Variants in PHF24 observed in about 807,000 individuals in gnomAD.
PHF24 encodes the protein PHD finger protein 24, also known as Galpha inhibitory interacting protein.
In PHF24, 25 loss-of-function variants were observed where a neutral mutation model predicts 42.6. That is an observed-to-expected ratio of 0.59 (90% confidence interval 0.43 to 0.82). PHF24 has a LOEUF of 0.82. Ranked by LOEUF, PHF24 falls within the 40% of genes least tolerant of loss-of-function variation. PHF24 has a pLI of 0.00. For missense variants in PHF24, 470 were observed against 538.1 expected (o/e 0.87, Z 1.25); for synonymous variants, 185 against 204.8 (o/e 0.90, Z 0.83).
chr9:34,732,929 C>T, the PHF24 span, among the ~76,000 whole-genome samples: 6 of 152,122 alleles, frequency 3.9e-5, no homozygotes, highest in Non-Finnish European at 7.3e-5. Flanking sequence ...TATTTTCAAT[C>T]CTATATCCGT....
chr9:34,783,928 T>C, the PHF24 span, among the ~76,000 whole-genome samples: 14 of 152,250 alleles, frequency 9.2e-5, no homozygotes, highest in Admixed American at 3.9e-4. Flanking sequence ...AAACTTTTCT[T>C]AGACCAGTAA....
the PHF24 span, among the ~76,000 whole-genome samples, chr9:34,846,201 T>C: frequency 3.3e-5 from 5 of 152,326 alleles, no homozygotes; most frequent in African/African-American, 9.6e-5. Flanking sequence ...GTTGAACTAG[T>C]TTACAATCCC....
chr9:34,670,414 A>G, the PHF24 span, among the ~76,000 whole-genome samples: 2 of 152,308 alleles, frequency 1.3e-5, no homozygotes, highest in African/African-American at 2.4e-5. Context: ...TGCTAACTCT[A>G]CGTGGCTAGT....
At chr9:34,926,319 AG>A in the PHF24 span, among the ~76,000 whole-genome samples, 1 of 152,014 alleles carries the variant, frequency 6.6e-6, no homozygotes, top group East Asian at 1.9e-4. The surrounding 1 kb of genome is among the most constrained non-coding windows in gnomAD (Gnocchi z 4.3). Flanking sequence ...TGTTTCTCGA[AG>A]GCCTAGGACA....
the PHF24 span, among the ~76,000 whole-genome samples, chr9:34,705,573 G>C: frequency 6.6e-6 from 1 of 152,176 alleles, no homozygotes; most frequent in Non-Finnish European, 1.5e-5. Flanking sequence ...AAGCCACTGC[G>C]CCTGGCCTTG....
the PHF24 span, among the ~76,000 whole-genome samples, chr9:34,769,022 G>A: frequency 0.99 from 150,467 of 152,296 alleles, 74,355 homozygotes; most frequent in Middle Eastern, 1. Context: ...GGAGAAGAAG[G>A]TCCCCTTTAC....
chr9:34,867,147 A>G, the PHF24 span, among the ~76,000 whole-genome samples: 5 of 152,224 alleles, frequency 3.3e-5, no homozygotes, highest in African/African-American at 1.2e-4. Context: ...CCACAGAAGC[A>G]GAGCAACAGT....
At chr9:34,767,748 T>C in the PHF24 span, among the ~76,000 whole-genome samples, 1 of 152,232 alleles carries the variant, frequency 6.6e-6, no homozygotes, top group Non-Finnish European at 1.5e-5. Flanking sequence ...CCTAGTGAGA[T>C]GAACCGGGTA....
At chr9:34,889,959 C>G in the PHF24 span, among the ~76,000 whole-genome samples, 1 of 152,126 alleles carries the variant, frequency 6.6e-6, no homozygotes, top group East Asian at 1.9e-4. Context: ...TTATTCTTAT[C>G]TGGTCCTTTT....
chr9:34,753,039 A>C, the PHF24 span, among the ~76,000 whole-genome samples: 1 of 152,156 alleles, frequency 6.6e-6, no homozygotes, highest in Non-Finnish European at 1.5e-5. Context: ...CCTCAACATA[A>C]TAAAAGCCAT....
the PHF24 span, among the ~76,000 whole-genome samples, chr9:34,702,369 C>T: frequency 2.0e-5 from 3 of 152,132 alleles, no homozygotes; most frequent in Non-Finnish European, 2.9e-5. Flanking sequence ...GGGGATACTC[C>T]GAGCAGAAGC....
upstream of PHF24, chr9:34,958,226 G>GCGCCGCCGC (rs1240549939): frequency 6.1e-3 from 918 of 151,298 alleles, 11 homozygotes; most frequent in African/African-American, 0.022. The surrounding 1 kb of genome is among the most constrained non-coding windows in gnomAD (Gnocchi z 4.5). Flanking sequence ...CCGGCCGCGC[G>GCGCCGCCGC]CGCCGCCGCC....
chr9:34,845,296 A>G, the PHF24 span, among the ~76,000 whole-genome samples: 4 of 152,134 alleles, frequency 2.6e-5, no homozygotes, highest in Non-Finnish European at 5.9e-5. Context: ...ATGTCTTTTC[A>G]TTGGAGAATT....
the PHF24 span, among the ~76,000 whole-genome samples, chr9:34,762,107 T>A: frequency 7.9e-5 from 12 of 152,148 alleles, no homozygotes; most frequent in Non-Finnish European, 1.5e-4. Flanking sequence ...TGTTGGACAT[T>A]TGGGTTGGTT....
At chr9:34,725,141 C>T in the PHF24 span, 6 of 1,546,386 alleles carry the variant, frequency 3.9e-6, no homozygotes, top group Non-Finnish European at 5.2e-6. Context: ...TCTGCAGTCC[C>T]AGGACCTGTG....
chr9:34,819,682 A>C, the PHF24 span, among the ~76,000 whole-genome samples: 5 of 152,148 alleles, frequency 3.3e-5, no homozygotes, highest in Non-Finnish European at 7.4e-5. Context: ...ATAATGGAAA[A>C]CTTCTAAATT....
chr9:34,693,021 G>A, the PHF24 span, among the ~76,000 whole-genome samples: 17 of 152,160 alleles, frequency 1.1e-4, no homozygotes, highest in Middle Eastern at 6.8e-3. Flanking sequence ...TCCTGGTTTC[G>A]AACTCCTGAC....
chr9:34,821,746 A>G, the PHF24 span, among the ~76,000 whole-genome samples: 1 of 152,218 alleles, frequency 6.6e-6, no homozygotes. Context: ...CATGAGACCC[A>G]GCTCATGCTT....
At chr9:34,684,032 C>T in the PHF24 span, among the ~76,000 whole-genome samples, 4 of 152,148 alleles carry the variant, frequency 2.6e-5, no homozygotes, top group Non-Finnish European at 4.4e-5. Flanking sequence ...CACTTATTCT[C>T]GCTATTTTCT....
Sources: allele counts gnomAD v4.1 joint callset (sites outside exome capture counted in the v4.1 genomes callset), GRCh38; gene constraint gnomAD v4.1.1; non-coding constraint Gnocchi (gnomAD v3.1); transcripts MANE v1.5; gene names NCBI Gene and HGNC (gene_info 2026-07-23, HGNC 2026-07-21).